PLCL1: variants seen among roughly 807,000 people sequenced by gnomAD.
PLCL1 encodes inactive phospholipase C-like protein 1.
A neutral mutation model predicts 84.4 loss-of-function variants in PLCL1; 41 were observed. The ratio of observed to expected loss-of-function variants is 0.49; its 90% CI spans 0.38 to 0.63. The LOEUF is 0.63. Ranked by LOEUF, PLCL1 falls within the 30% of genes least tolerant of loss-of-function variation. PLCL1 has a pLI of 0.00. For synonymous variants in PLCL1, 490 were observed against 488.3 expected (o/e 1.00, Z -0.05); for missense variants, 1,206 against 1,367.8 (o/e 0.88, Z 1.87).
intron 1 of PLCL1, among the ~76,000 whole-genome samples, chr2:197,995,000 T>C (rs1252961614): frequency 6.6e-6 from 1 of 152,186 alleles, no homozygotes; most frequent in Non-Finnish European, 1.5e-5. Flanking sequence ...TCTCCAATGC[T>C]TGCCCCATAA....
At chr2:198,018,001 G>A (rs116055285) in intron 1 of PLCL1, among the ~76,000 whole-genome samples, 162 of 152,250 alleles carry the variant, frequency 1.1e-3, no homozygotes, top group African/African-American at 3.8e-3. Flanking sequence ...CACAGAAGGC[G>A]GGTGATTTTT....
chr2:198,065,386 C>T (rs1345189806), intron 1 of PLCL1, among the ~76,000 whole-genome samples: 2 of 152,132 alleles, frequency 1.3e-5, no homozygotes, highest in Admixed American at 1.3e-4. Flanking sequence ...TTCTCTCCAC[C>T]AATTGCTTGA....
intron 1 of PLCL1, among the ~76,000 whole-genome samples, chr2:197,835,426 G>C (rs1431501615): frequency 6.6e-6 from 1 of 151,826 alleles, no homozygotes; most frequent in Non-Finnish European, 1.5e-5. Context: ...TAACATTTTC[G>C]TCATCCCAAA....
chr2:198,022,473 A>G (rs982906307), intron 1 of PLCL1, among the ~76,000 whole-genome samples: 2 of 152,212 alleles, frequency 1.3e-5, no homozygotes, highest in African/African-American at 2.4e-5. Flanking sequence ...CTGTTTGCAG[A>G]TGACATGATT....
intron 5 of PLCL1, among the ~76,000 whole-genome samples, chr2:198,117,511 TC>T (rs1693773037): frequency 6.6e-6 from 1 of 151,794 alleles, no homozygotes; most frequent in Admixed American, 6.6e-5. Flanking sequence ...GCTGAAACAG[TC>T]CTATAGACAC....
chr2:198,133,485 C>T (rs1401764287), intron 5 of PLCL1, among the ~76,000 whole-genome samples: 1 of 148,316 alleles, frequency 6.7e-6, no homozygotes, highest in Non-Finnish European at 1.5e-5. Context: ...ATGTAACTAA[C>T]CTGCACAATG....
chr2:197,816,156 G>A (rs922636169), intron 1 of PLCL1, among the ~76,000 whole-genome samples: 5 of 151,916 alleles, frequency 3.3e-5, no homozygotes, highest in African/African-American at 1.2e-4. Context: ...TTAAGAAATT[G>A]CCACAGCCAC....
At chr2:198,073,288 G>C (rs1692504096) in intron 1 of PLCL1, among the ~76,000 whole-genome samples, 1 of 152,170 alleles carries the variant, frequency 6.6e-6, no homozygotes, top group Non-Finnish European at 1.5e-5. Context: ...CACTGGGTAT[G>C]AATGGGGGTG....
intron 1 of PLCL1, among the ~76,000 whole-genome samples, chr2:197,899,823 G>A (rs1174747896): frequency 6.6e-6 from 1 of 151,694 alleles, no homozygotes; most frequent in Non-Finnish European, 1.5e-5. Context: ...TTTTAGTAGA[G>A]ACGGGGTTTC....
chr2:197,836,825 A>T (rs955388504), intron 1 of PLCL1, among the ~76,000 whole-genome samples: 2 of 152,000 alleles, frequency 1.3e-5, no homozygotes, highest in African/African-American at 4.8e-5. Flanking sequence ...AGCTTAAGGG[A>T]TCCTCCTACA....
chr2:197,997,208 TCC>T (rs1353751294), intron 1 of PLCL1, among the ~76,000 whole-genome samples: 1 of 152,230 alleles, frequency 6.6e-6, no homozygotes. Context: ...CAGAGTCCGC[TCC>T]CATTTTCTCT....
At chr2:197,825,755 T>C (rs1471097426) in intron 1 of PLCL1, among the ~76,000 whole-genome samples, 3 of 152,212 alleles carry the variant, frequency 2.0e-5, no homozygotes, top group Non-Finnish European at 2.9e-5. Context: ...TGGAATCTCA[T>C]TTTTGCTACT....
At chr2:198,045,110 T>A in intron 1 of PLCL1, among the ~76,000 whole-genome samples, 1 of 152,218 alleles carries the variant, frequency 6.6e-6, no homozygotes. Flanking sequence ...ACCGTATTCT[T>A]TTCAGGATTA....
intron 1 of PLCL1, among the ~76,000 whole-genome samples, chr2:197,990,163 G>A (rs554524599): frequency 1.3e-5 from 2 of 152,258 alleles, no homozygotes; most frequent in South Asian, 2.1e-4. Context: ...AGACCTAAAC[G>A]AGCTCATCAG....
chr2:197,896,956 C>T (rs1688146669), intron 1 of PLCL1, among the ~76,000 whole-genome samples: 1 of 152,066 alleles, frequency 6.6e-6, no homozygotes, highest in Non-Finnish European at 1.5e-5. Context: ...AGATAAAAAC[C>T]CCTAAATTTG....
intron 1 of PLCL1, among the ~76,000 whole-genome samples, chr2:198,038,227 C>A (rs1250633503): frequency 6.6e-6 from 1 of 152,090 alleles, no homozygotes; most frequent in African/African-American, 2.4e-5. Context: ...CACACATACC[C>A]CTTGTGGCAT....
chr2:198,092,290 A>C lies in PLCL1; in HGVS notation c.2919+3229A>C, dbSNP rs118149843. Among the ~76,000 whole-genome samples the C allele has an allele frequency of 8.5e-3, 1,293 of 152,164 alleles. 48 individuals carry two copies. The highest frequency in any genetic ancestry group is 0.038 in the Admixed American group (575 of 15,280). ...CTTCCCCAACCTCACCTGCCTCTCC[A>C]GTCTCATCTGCTTCTCCAGCCTCAT... is the stretch of plus-strand genomic sequence containing the variant. On this transcript the variant is annotated intron_variant, in intron 3 of 5. Coordinates refer to ENST00000428675, the MANE Select transcript of PLCL1 (RefSeq NM_006226.4).
intron 1 of PLCL1, among the ~76,000 whole-genome samples, chr2:197,944,305 G>T (rs892596590): frequency 6.6e-6 from 1 of 152,064 alleles, no homozygotes; most frequent in South Asian, 2.1e-4. Flanking sequence ...TGCTGATTCC[G>T]GGGTTGAAGG....
intron 1 of PLCL1, among the ~76,000 whole-genome samples, chr2:197,835,255 T>G (rs1343467771): frequency 6.6e-6 from 1 of 152,164 alleles, no homozygotes; most frequent in Non-Finnish European, 1.5e-5. Flanking sequence ...TGTAACAAAC[T>G]GCACATTCTG....
Sources: allele counts gnomAD v4.1 joint callset (sites outside exome capture counted in the v4.1 genomes callset), GRCh38; gene constraint gnomAD v4.1.1; transcripts MANE v1.5; gene names NCBI Gene and HGNC (gene_info 2026-07-23, HGNC 2026-07-21).